ANO3: variants seen among roughly 807,000 people sequenced by gnomAD.
ANO3 encodes the protein anoctamin 3, also known as anoctamin-3.
In ANO3, 99 loss-of-function variants were observed where a neutral mutation model predicts 144.8. The ratio of observed to expected loss-of-function variants is 0.68; its 90% CI spans 0.58 to 0.81. The LOEUF (loss-of-function observed/expected upper bound fraction) is 0.81. Ranked by LOEUF, ANO3 falls within the 30% of genes least tolerant of loss-of-function variation. The pLI is 0.00. For missense variants in ANO3, 905 were observed against 1,202.2 expected (o/e 0.75, Z 3.66); for synonymous variants, 414 against 392.6 (o/e 1.05, Z -0.64).
intron 1 of ANO3, among the ~76,000 whole-genome samples, chr11:26,398,282 C>T (rs1339849052): frequency 1.3e-5 from 2 of 151,938 alleles, no homozygotes; most frequent in African/African-American, 4.8e-5. Context: ...TGAGTTTTTG[C>T]AGGTAATAAT....
chr11:26,239,843 A>T (rs779338838), intron 1 of ANO3, among the ~76,000 whole-genome samples: 13 of 152,348 alleles, frequency 8.5e-5, no homozygotes, highest in Non-Finnish European at 1.6e-4. Context: ...ATGTTTCTCC[A>T]TAATTGAAGA....
chr11:26,348,017 C>T (rs1267154905), intron 1 of ANO3, among the ~76,000 whole-genome samples: 2 of 152,028 alleles, frequency 1.3e-5, no homozygotes, highest in Admixed American at 6.6e-5. Flanking sequence ...TTTCCCAGCT[C>T]GAAAATATCC....
chr11:26,494,263 GAA>G (rs1468683141), intron 4 of ANO3, among the ~76,000 whole-genome samples: 2 of 151,666 alleles, frequency 1.3e-5, no homozygotes, highest in South Asian at 2.1e-4. Context: ...ATTTGAGAAA[GAA>G]TGCCATGCTG....
chr11:26,633,572 G>A lies in ANO3; in HGVS notation c.1874-632G>A, dbSNP rs568014569. ...TTGAGTGTAGCCAGTTTGAGTGAAT[G>A]ATTGATCCATTATGTATGGTTACTA... On this transcript the variant is annotated intron_variant, in intron 18 of 26. Transcript: ENST00000256737. Among the ~76,000 whole-genome samples, 36 of 152,322 alleles carry A rather than the reference G, an allele frequency of 2.4e-4. No homozygotes were observed. The South Asian group carries it at 7.5e-3, about 32-fold the overall frequency.
At chr11:26,610,646 T>G (rs1174081333) in intron 17 of ANO3, among the ~76,000 whole-genome samples, 2 of 152,180 alleles carry the variant, frequency 1.3e-5, no homozygotes, top group Non-Finnish European at 2.9e-5. Flanking sequence ...TTTAGTAGAT[T>G]CATAGTTTTA....
intron 1 of ANO3, among the ~76,000 whole-genome samples, chr11:26,387,104 A>C (rs1430003546): frequency 2.0e-5 from 3 of 149,996 alleles, no homozygotes; most frequent in African/African-American, 7.4e-5. Flanking sequence ...GAGAGAGAGA[A>C]TATAGTTATT....
At chr11:26,297,850 G>A (rs1833510136) in intron 1 of ANO3, among the ~76,000 whole-genome samples, 1 of 152,142 alleles carries the variant, frequency 6.6e-6, no homozygotes, top group South Asian at 2.1e-4. Flanking sequence ...AGGAGGCTGA[G>A]GAAGTTAAAT....
At chr11:26,336,670 T>A (rs576343183) in intron 1 of ANO3, among the ~76,000 whole-genome samples, 2 of 152,236 alleles carry the variant, frequency 1.3e-5, no homozygotes, top group South Asian at 4.1e-4. Context: ...TATCCACTGT[T>A]TTCATCTCCT....
intron 17 of ANO3, among the ~76,000 whole-genome samples, chr11:26,608,710 AG>A: frequency 6.6e-6 from 1 of 152,076 alleles, no homozygotes; most frequent in South Asian, 2.1e-4. Context: ...AGGCCTGAAG[AG>A]GTACTCTGGC....
chr11:26,604,084 C>T (rs980195098), intron 17 of ANO3, among the ~76,000 whole-genome samples: 1 of 152,110 alleles, frequency 6.6e-6, no homozygotes, highest in African/African-American at 2.4e-5. Flanking sequence ...ACCCATTGAT[C>T]AACCTCTCTC....
chr11:26,360,473 A>G (rs1303452198), intron 1 of ANO3, among the ~76,000 whole-genome samples: 1 of 152,174 alleles, frequency 6.6e-6, no homozygotes, highest in African/African-American at 2.4e-5. Context: ...CAGTGAGAAA[A>G]GACTGAGACT....
intron 4 of ANO3, among the ~76,000 whole-genome samples, chr11:26,491,078 C>T (rs1468023962): frequency 6.6e-6 from 1 of 152,146 alleles, no homozygotes; most frequent in Non-Finnish European, 1.5e-5. Context: ...TAAATGCCCA[C>T]AGCTGTTATA....
chr11:26,478,110 A>G (rs1402861533), intron 4 of ANO3, among the ~76,000 whole-genome samples: 2 of 152,156 alleles, frequency 1.3e-5, no homozygotes, highest in Non-Finnish European at 2.9e-5. Flanking sequence ...AGGGGAATAT[A>G]AAATTGTATT....
upstream of ANO3, among the ~76,000 whole-genome samples, chr11:26,330,642 C>T (rs1378984735): frequency 6.6e-6 from 1 of 152,124 alleles, no homozygotes; most frequent in Non-Finnish European, 1.5e-5. Context: ...AACTGCCTGT[C>T]TGAATCTAGC....
intron 1 of ANO3, among the ~76,000 whole-genome samples, chr11:26,245,544 T>A (rs532353421): frequency 1.3e-5 from 2 of 152,318 alleles, no homozygotes; most frequent in Non-Finnish European, 2.9e-5. Context: ...CATGAAGAAC[T>A]AATGGATTTT....
At chr11:26,337,037 A>T (rs1017804344) in intron 1 of ANO3, among the ~76,000 whole-genome samples, 1 of 152,068 alleles carries the variant, frequency 6.6e-6, no homozygotes, top group Non-Finnish European at 1.5e-5. Context: ...TTTAATTTTC[A>T]CCCTTCTCTT....
At chr11:26,510,557 T>C (rs1195454114) in intron 5 of ANO3, among the ~76,000 whole-genome samples, 1 of 152,246 alleles carries the variant, frequency 6.6e-6, no homozygotes, top group Non-Finnish European at 1.5e-5. Flanking sequence ...ATAGATCTTA[T>C]TATGATGCTG....
At chr11:26,305,531 G>C (rs1032961532), upstream of ANO3, among the ~76,000 whole-genome samples, 1 of 151,612 alleles carries the variant, frequency 6.6e-6, no homozygotes, top group Non-Finnish European at 1.5e-5. Flanking sequence ...AGGGTTTTCA[G>C]AGGAATAGCA....
intron 1 of ANO3, among the ~76,000 whole-genome samples, chr11:26,255,518 G>A (rs920001963): frequency 6.6e-6 from 1 of 152,064 alleles, no homozygotes. Context: ...TACATTTTCA[G>A]ATAGTACTAC....
Sources: allele counts gnomAD v4.1 joint callset (sites outside exome capture counted in the v4.1 genomes callset), GRCh38; gene constraint gnomAD v4.1.1; transcripts MANE v1.5; gene names NCBI Gene and HGNC (gene_info 2026-07-23, HGNC 2026-07-21).